Variants in SC5D observed in about 807,000 individuals in gnomAD.
SC5D encodes the protein lathosterol oxidase.
A neutral mutation model predicts 23.9 loss-of-function variants in SC5D; 21 were observed. The ratio of observed to expected loss-of-function variants is 0.88; its 90% CI spans 0.62 to 1.26. The LOEUF (loss-of-function observed/expected upper bound fraction) is 1.26, where lower values mean the gene tolerates loss of function less well. Among genes scored for constraint, SC5D ranks in the 50% most tolerant of loss-of-function variants. The pLI, the probability that SC5D is intolerant of heterozygous loss-of-function variation, is 0.00. For synonymous variants in SC5D, 113 were observed against 125.9 expected (o/e 0.90, Z 0.68); for missense variants, 309 against 364.8 (o/e 0.85, Z 1.25).
intron 1 of SC5D, among the ~76,000 whole-genome samples, chr11:121,295,739 C>G (rs929556370): frequency 2.0e-5 from 3 of 152,164 alleles, no homozygotes; most frequent in African/African-American, 7.2e-5. Context: ...TTACCCACCC[C>G]CTATTCCTAC....
chr11:121,306,734 A>G (rs1591505438), intron 4 of SC5D: 1 of 630,364 alleles, frequency 1.6e-6, no homozygotes, highest in East Asian at 2.8e-5. Flanking sequence ...GACATTAGAG[A>G]CTCCAGAAGG....
intron 1 of SC5D, among the ~76,000 whole-genome samples, chr11:121,295,178 G>A (rs541042640): frequency 3.3e-5 from 5 of 152,322 alleles, no homozygotes; most frequent in African/African-American, 1.2e-4. Context: ...TTTTGCCAAG[G>A]TTAAGGATTC....
intron 1 of SC5D, among the ~76,000 whole-genome samples, chr11:121,295,913 G>A (rs188320030): frequency 1.3e-5 from 2 of 152,200 alleles, no homozygotes; most frequent in East Asian, 3.9e-4. Flanking sequence ...TTACTTGCGC[G>A]AAATCTCTGC....
rs983020683 is a variant in SC5D, at chr11:121,306,326, A to T, written c.344-60A>T. 14 of 836,566 alleles carry T rather than the reference A, an allele frequency of 1.7e-5. No homozygotes were observed. In the African/African-American group the frequency reaches 2.2e-4, roughly 13 times the overall value. The allele number at this position is 836,566 out of a possible 1,614,324, so 51.8% of individuals were successfully genotyped here. On this transcript the variant is annotated intron_variant, in intron 3 of 4. Coordinates refer to ENST00000264027, the MANE Select transcript of SC5D (RefSeq NM_006918.5). Reference sequence around the variant, plus strand: ...TTTGCACTCAGATGGACATGTGAAAAGTGAACTCTAATCCCAGGAGCTGAG... The same window carrying T: ...TTTGCACTCAGATGGACATGTGAAATGTGAACTCTAATCCCAGGAGCTGAG...
chr11:121,292,933 G>A (rs1947861672), intron 1 of SC5D, 117 bp downstream of exon 1: 1 of 152,446 alleles, frequency 6.6e-6, no homozygotes, highest in Non-Finnish European at 1.5e-5. Context: ...GGGTGGGCGA[G>A]GCGGAAGGTG....
intron 3 of SC5D, chr11:121,305,562 A>G (rs564559392): frequency 1.3e-5 from 2 of 152,400 alleles, no homozygotes; most frequent in African/African-American, 4.8e-5. Context: ...CCCCATCTCT[A>G]CTAAAATACA....
chr11:121,299,081 T>C (rs1221766400), intron 1 of SC5D, among the ~76,000 whole-genome samples: 1 of 152,226 alleles, frequency 6.6e-6, no homozygotes, highest in Non-Finnish European at 1.5e-5. Flanking sequence ...AGCGGGAAGA[T>C]AGTAATAACT....
intron 1 of SC5D, among the ~76,000 whole-genome samples, chr11:121,302,996 C>G (rs1947936149): frequency 6.6e-6 from 1 of 152,198 alleles, no homozygotes; most frequent in Non-Finnish European, 1.5e-5. Context: ...AACTATTTGT[C>G]TGAGTACCTA....
intron 1 of SC5D, among the ~76,000 whole-genome samples, chr11:121,302,278 T>G (rs1947931307): frequency 6.6e-6 from 1 of 152,192 alleles, no homozygotes; most frequent in Admixed American, 6.5e-5. Context: ...GGGTAGGCAA[T>G]TTGCAGATTG....
chr11:121,299,301 T>C (rs1947910505), intron 1 of SC5D, among the ~76,000 whole-genome samples: 1 of 152,232 alleles, frequency 6.6e-6, no homozygotes, highest in South Asian at 2.1e-4. Context: ...TCCAACCTGA[T>C]AGGCCCTTCT....
At position 121,306,460 on chromosome 11, in the gene SC5D, G is replaced by T. The variant is rs770048983; in HGVS notation, c.418G>T (p.Gly140Cys). Residue 140 changes from glycine (G) to cysteine (C), a missense_variant, in exon 4 of 5, where the codon GGC (glycine) becomes TGC (cysteine). Gly to Cys is a radical substitution (Grantham distance 159). Transcript: ENST00000264027. ...CATGTTCATCTACTGGATTCACAGA[G>T]GCCTTCATCATAGACTGGTATATAA... ...TDMFIYWIHR[G>C]LHHRLVYKRL... is the part of the protein sequence containing the mutation. The T allele has an allele frequency of 6.4e-7, 1 of 1,562,588 alleles. No homozygotes were observed. The highest frequency in any genetic ancestry group is 8.8e-7 in the Non-Finnish European group (1 of 1,133,264).
rs1022840506 is a variant in SC5D, at chr11:121,311,003, A to C, written c.*3491A>C. On this transcript the variant is annotated 3_prime_UTR_variant, in exon 5 of 5. Transcript: ENST00000264027. ...TTCCTGATCTTCCCAACTTCTTCAA[A>C]TTCACAACACTTGAATGACAGTCTT... 6.6e-5 allele frequency among the ~76,000 whole-genome samples: 10 copies of C among 152,244 alleles called. No individual in the cohort carries two copies. Among genetic ancestry groups the C allele is most frequent in the African/African-American group, 2.2e-4 (9 of 41,464 alleles).
intron 1 of SC5D, among the ~76,000 whole-genome samples, chr11:121,296,370 C>T (rs1367983591): frequency 6.6e-6 from 1 of 152,190 alleles, no homozygotes; most frequent in Non-Finnish European, 1.5e-5. Context: ...CCCTCTGCTC[C>T]ACCCCATCAC....
intron 1 of SC5D, among the ~76,000 whole-genome samples, chr11:121,294,851 G>A (rs1565566276): frequency 6.6e-6 from 1 of 152,160 alleles, no homozygotes; most frequent in Non-Finnish European, 1.5e-5. Context: ...CATGTAGATT[G>A]GCTCATCAGC....
In SC5D at chr11:121,308,069, A is replaced by G. The variant is rs1162278390; in HGVS notation, c.*557A>G. Reference sequence around the variant, plus strand: ...ACATTAGCAGCTATGTAAATGACCTAATTGATAGCAGGTGTAATAAGACTA... The same window carrying G: ...ACATTAGCAGCTATGTAAATGACCTGATTGATAGCAGGTGTAATAAGACTA... On this transcript the variant is annotated 3_prime_UTR_variant, in exon 5 of 5. Coordinates refer to ENST00000264027, the MANE Select transcript of SC5D (RefSeq NM_006918.5). The G allele has an allele frequency of 6.5e-6, 1 of 153,070 alleles. No individual in the cohort carries two copies. Among genetic ancestry groups the G allele is most frequent in the Non-Finnish European group, 1.5e-5 (1 of 68,654 alleles). 9.5% of individuals were successfully genotyped at this position (153,070 alleles called of 1,614,324 possible).
In SC5D at chr11:121,308,156, G is replaced by A. The variant is rs1947981839; in HGVS notation, c.*644G>A. On this transcript the variant is annotated 3_prime_UTR_variant, in exon 5 of 5. Coordinates refer to ENST00000264027, the MANE Select transcript of SC5D (RefSeq NM_006918.5). ...ACACTATCACCTATTACATTTTACTGATTAACAAATAAATTGGAATTTAAA... is the reference window on the plus strand; with the variant it reads ...ACACTATCACCTATTACATTTTACTAATTAACAAATAAATTGGAATTTAAA... 1 of 152,124 alleles carries A rather than the reference G, an allele frequency of 6.6e-6. No individual in the cohort carries two copies. The highest frequency in any genetic ancestry group is 1.5e-5 in the Non-Finnish European group (1 of 68,012). The allele number at this position is 152,124 out of a possible 1,614,324, so 9.4% of individuals were successfully genotyped here.
At position 121,307,709 on chromosome 11, in the gene SC5D, T is replaced by C. The variant is rs1343398270; in HGVS notation, c.*197T>C. On this transcript the variant is annotated 3_prime_UTR_variant, in exon 5 of 5. Coordinates refer to ENST00000264027, the MANE Select transcript of SC5D (RefSeq NM_006918.5). ...GAAGATGCTGTGAACACCAGGACTT[T>C]AATCTTATGCTTAAAATGCCAGATG... The C allele has an allele frequency of 1.9e-6, 1 of 521,304 alleles. No homozygotes were observed. Among genetic ancestry groups the C allele is most frequent in the East Asian group, 3.2e-5 (1 of 31,486 alleles). The allele number at this position is 521,304 out of a possible 1,614,324, so 32.3% of individuals were successfully genotyped here.
chr11:121,296,309 A>G (rs968044982), intron 1 of SC5D, among the ~76,000 whole-genome samples: 3 of 152,206 alleles, frequency 2.0e-5, no homozygotes, highest in Admixed American at 2.0e-4. Flanking sequence ...AGATCCCTCC[A>G]TGCGTAGTCT....
At chr11:121,293,259 C>T (rs1174251591) in intron 1 of SC5D, among the ~76,000 whole-genome samples, 1 of 152,218 alleles carries the variant, frequency 6.6e-6, no homozygotes, top group Non-Finnish European at 1.5e-5. Flanking sequence ...AAAGAAAATG[C>T]AGTGTTTGAT....
Sources: gnomAD v4.1 joint callset for allele counts (sites outside exome capture counted in the v4.1 genomes callset) on GRCh38, gnomAD v4.1.1 for gene constraint, MANE v1.5 for transcripts, NCBI Gene and HGNC (gene_info 2026-07-23, HGNC 2026-07-21) for gene names.